Variants in CDNF observed in about 807,000 individuals in gnomAD.
The protein encoded by CDNF is cerebral dopamine neurotrophic factor.
Under a neutral mutation model 14.8 loss-of-function variants are expected in CDNF, and 9 were observed. The observed-to-expected ratio is 0.61, with a 90% CI of 0.37 to 1.06. The LOEUF is 1.06. Among genes scored for constraint, CDNF ranks in the 50% least tolerant of loss-of-function variants. The pLI is 0.01. For missense variants in CDNF, 228 were observed against 228.4 expected (o/e 1.00, Z 0.01); for synonymous variants, 86 against 87.2 (o/e 0.99, Z 0.07).
intron 1 of CDNF, among the ~76,000 whole-genome samples, chr10:14,831,004 C>T (rs766067991): frequency 1.3e-4 from 20 of 152,252 alleles, no homozygotes; most frequent in Middle Eastern, 3.4e-3. Flanking sequence ...CCTATGTGCA[C>T]GAGCTTGTAA....
chr10:14,828,940 A>T (rs907713889), intron 1 of CDNF, among the ~76,000 whole-genome samples: 1 of 152,130 alleles, frequency 6.6e-6, no homozygotes, highest in Non-Finnish European at 1.5e-5. Flanking sequence ...TGGGAGGGTC[A>T]CTTAAGCCCG....
Position 14,820,167 on chromosome 10 carries a change from C to G in CDNF, c.386-9G>C. 6.3e-7 allele frequency: 1 copy of G among 1,594,228 alleles called. No homozygotes were observed. Among genetic ancestry groups the G allele is most frequent in the East Asian group, 2.2e-5 (1 of 44,644 alleles). ...CAAGTCCAGTGTTTTTTCTAAATGGCAAAAAGGAAAAAAGCCAATTACAAA... is the reference window on the plus strand; with the variant it reads ...CAAGTCCAGTGTTTTTTCTAAATGGGAAAAAGGAAAAAAGCCAATTACAAA... On this transcript the variant is annotated splice_polypyrimidine_tract_variant and intron_variant, in intron 3 of 3. Transcript: ENST00000465530.
intron 1 of CDNF, among the ~76,000 whole-genome samples, chr10:14,832,401 C>T (rs1442756326): frequency 6.6e-6 from 1 of 152,198 alleles, no homozygotes; most frequent in African/African-American, 2.4e-5. Flanking sequence ...CAGGGCCTTT[C>T]AAGCTTGGTA....
intron 2 of CDNF, among the ~76,000 whole-genome samples, chr10:14,826,128 CAGGAGAAGGAGAAGGAGA>C (rs530706642): frequency 8.1e-6 from 1 of 123,750 alleles, no homozygotes; most frequent in African/African-American, 3.2e-5. Flanking sequence ...GCAGCAGAAG[CAGGAGAAGGAGAAGGAGA>C]AGGAGAAGAA....
intron 2 of CDNF, 65 bp from the exon 3 acceptor site, chr10:14,825,685 T>C: frequency 6.5e-7 from 1 of 1,529,410 alleles, no homozygotes; most frequent in Admixed American, 1.7e-5. Flanking sequence ...ATTCCAGTAA[T>C]GAAGGAATAC....
chr10:14,821,130 CT>C (rs919214923), intron 3 of CDNF, among the ~76,000 whole-genome samples: 121 of 146,012 alleles, frequency 8.3e-4, no homozygotes, highest in Middle Eastern at 3.5e-3. Context: ...AGTTCTTTTT[CT>C]TTTTTTTTTT....
chr10:14,836,466 C>T (rs534188526), intron 1 of CDNF, among the ~76,000 whole-genome samples: 58 of 152,306 alleles, frequency 3.8e-4, no homozygotes, highest in Non-Finnish European at 7.2e-4. Flanking sequence ...ATTGTCTTTG[C>T]CTCACAAAGT....
chr10:14,837,779 G>C, intron 1 of CDNF, 53 bp downstream of exon 1: 1 of 1,132,890 alleles, frequency 8.8e-7, no homozygotes, highest in Non-Finnish European at 1.3e-6. Flanking sequence ...GCCGACAGCT[G>C]CTGCGCCGCA....
chr10:14,837,225 C>A (rs1347475580), intron 1 of CDNF, among the ~76,000 whole-genome samples: 1 of 152,180 alleles, frequency 6.6e-6, no homozygotes, highest in Non-Finnish European at 1.5e-5. Flanking sequence ...AGTCTCAGAG[C>A]TAGGGGACTT....
At chr10:14,823,417 T>C (rs997945326) in intron 3 of CDNF, among the ~76,000 whole-genome samples, 2 of 152,196 alleles carry the variant, frequency 1.3e-5, no homozygotes, top group Non-Finnish European at 2.9e-5. Flanking sequence ...TTTTCTATTG[T>C]TTAAGGAGCC....
intron 2 of CDNF, among the ~76,000 whole-genome samples, chr10:14,827,814 C>T (rs942241944): frequency 2.0e-4 from 31 of 152,156 alleles, no homozygotes; most frequent in Admixed American, 5.9e-4. Flanking sequence ...ATGCTTTGAA[C>T]CCAGGAGGCA....
chr10:14,828,023 T>C, intron 2 of CDNF, 122 bp downstream of exon 2: 1 of 855,598 alleles, frequency 1.2e-6, no homozygotes, highest in Non-Finnish European at 1.9e-6. Context: ...GCTTGCTGCG[T>C]GCTCTAAAAT....
chr10:14,826,382 A>C (rs969551662), intron 2 of CDNF, among the ~76,000 whole-genome samples: 11 of 151,842 alleles, frequency 7.2e-5, no homozygotes, highest in East Asian at 1.9e-4. Context: ...GCAGCAGCAG[A>C]AGAAGAAGCA....
intron 1 of CDNF, 131 bp from the exon 2 acceptor site, chr10:14,828,403 CTT>C: frequency 1.3e-6 from 1 of 772,758 alleles, no homozygotes; most frequent in Non-Finnish European, 2.1e-6. Flanking sequence ...AATCCTAGCA[CTT>C]TGAGAGGCTG....
At chr10:14,831,804 C>G (rs1238726191) in intron 1 of CDNF, among the ~76,000 whole-genome samples, 1 of 152,114 alleles carries the variant, frequency 6.6e-6, no homozygotes, top group Non-Finnish European at 1.5e-5. Context: ...TCGATCTCCT[C>G]ACCTGGTGAT....
intron 2 of CDNF, among the ~76,000 whole-genome samples, chr10:14,826,303 A>G (rs552559717): frequency 3.4e-4 from 51 of 147,980 alleles, no homozygotes; most frequent in Non-Finnish European, 7.1e-4. Flanking sequence ...CAGAAGCAGC[A>G]GCAGAAGAAG....
chr10:14,830,935 T>G (rs1027172558), intron 1 of CDNF, among the ~76,000 whole-genome samples: 2 of 152,216 alleles, frequency 1.3e-5, no homozygotes, highest in African/African-American at 4.8e-5. Context: ...TTCAACTAAA[T>G]TATCAGTTCG....
At chr10:14,825,349 G>A in intron 3 of CDNF, 130 bp downstream of exon 3, 5 of 875,740 alleles carry the variant, frequency 5.7e-6, no homozygotes, top group Middle Eastern at 2.3e-4. Flanking sequence ...CCATTCATCA[G>A]CCAAGCAACT....
chr10:14,829,426 C>T (rs1588797171), intron 1 of CDNF, among the ~76,000 whole-genome samples: 1 of 152,194 alleles, frequency 6.6e-6, no homozygotes, highest in East Asian at 1.9e-4. Flanking sequence ...GCCTGGGCAA[C>T]ACAGTAAGAC....
Sources: gnomAD v4.1 joint callset for allele counts (sites outside exome capture counted in the v4.1 genomes callset) on GRCh38, gnomAD v4.1.1 for gene constraint, MANE v1.5 for transcripts, NCBI Gene and HGNC (gene_info 2026-07-23, HGNC 2026-07-21) for gene names.